Variants in COL11A1 observed in about 807,000 individuals in gnomAD.
COL11A1 encodes the protein collagen type XI alpha 1 chain.
COL11A1 carries 74 observed loss-of-function variants against 265.2 expected under a neutral mutation model. The ratio of observed to expected loss-of-function variants is 0.28; its 90% CI spans 0.23 to 0.34. The LOEUF is 0.34. COL11A1 is among the 10% of genes least tolerant of loss of function. COL11A1 has a pLI of 1.00. For synonymous variants in COL11A1, 816 were observed against 727.6 expected (o/e 1.12, Z -1.96); for missense variants, 2,165 against 2,263.6 (o/e 0.96, Z 0.88).
intron 57 of COL11A1, among the ~76,000 whole-genome samples, chr1:102,894,714 A>G (rs1036139701): frequency 1.3e-5 from 2 of 152,148 alleles, no homozygotes; most frequent in Admixed American, 1.3e-4. Flanking sequence ...ACAAACTCCA[A>G]TAGAGTTATT....
chr1:103,011,004 A>G (rs1666082666), intron 14 of COL11A1, among the ~76,000 whole-genome samples: 1 of 152,052 alleles, frequency 6.6e-6, no homozygotes, highest in East Asian at 1.9e-4. Context: ...CCAGCCTGAT[A>G]TTTGTAAATT....
chr1:103,107,573 C>G (rs1000121141), intron 1 of COL11A1, among the ~76,000 whole-genome samples: 1 of 141,362 alleles, frequency 7.1e-6, no homozygotes, highest in African/African-American at 2.6e-5. Context: ...AAAACTAAAA[C>G]AGCCTGCTTC....
At chr1:102,977,847 T>G (rs1169761151) in intron 35 of COL11A1, among the ~76,000 whole-genome samples, 1 of 152,124 alleles carries the variant, frequency 6.6e-6, no homozygotes, top group Non-Finnish European at 1.5e-5. Context: ...TTTATTCTTG[T>G]GTGTTATCTA....
chr1:103,030,424 A>G (rs1667886383), intron 5 of COL11A1, among the ~76,000 whole-genome samples: 1 of 151,996 alleles, frequency 6.6e-6, no homozygotes, highest in South Asian at 2.1e-4. Context: ...AAACAGTAAA[A>G]CTCAAATGGT....
chr1:102,976,803 A>T (rs977007777), intron 35 of COL11A1, among the ~76,000 whole-genome samples: 1 of 152,164 alleles, frequency 6.6e-6, no homozygotes, highest in African/African-American at 2.4e-5. Context: ...CTTATTCTTT[A>T]TATAAAATTC....
intron 54 of COL11A1, among the ~76,000 whole-genome samples, 164 bp downstream of exon 54, chr1:102,911,995 G>A (rs1217235077): frequency 6.6e-6 from 1 of 152,122 alleles, no homozygotes. Flanking sequence ...GTTAGAATAT[G>A]TTCTATTTTA....
intron 57 of COL11A1, among the ~76,000 whole-genome samples, chr1:102,895,549 G>A (rs1158457975): frequency 1.3e-5 from 2 of 151,254 alleles, no homozygotes; most frequent in Non-Finnish European, 2.9e-5. Context: ...GGATATGGAT[G>A]TGAATATATG....
At chr1:102,986,572 G>T (rs879463070) in intron 30 of COL11A1, among the ~76,000 whole-genome samples, 5 of 152,108 alleles carry the variant, frequency 3.3e-5, no homozygotes, top group Non-Finnish European at 5.9e-5. Context: ...AGAAATTATG[G>T]AATGTTTGTT....
intron 11 of COL11A1, among the ~76,000 whole-genome samples, chr1:103,016,773 G>A (rs1057028521): frequency 1.3e-5 from 2 of 151,840 alleles, no homozygotes; most frequent in African/African-American, 4.8e-5. Flanking sequence ...CAAGTTTCAA[G>A]GAACTGTTAA....
intron 37 of COL11A1, among the ~76,000 whole-genome samples, chr1:102,967,755 CA>C (rs1189311249): frequency 2.0e-5 from 3 of 152,114 alleles, no homozygotes; most frequent in Non-Finnish European, 4.4e-5. Context: ...TTAAATTCAA[CA>C]GGAAGATATA....
chr1:102,915,706 A>G (rs2101039530), intron 49 of COL11A1, 22 bp from the exon 50 acceptor site: 1 of 1,556,494 alleles, frequency 6.4e-7, no homozygotes, highest in South Asian at 1.1e-5. Context: ...AGATCAAATT[A>G]GTATTAGAAT....
At chr1:103,041,614 T>C (rs1668813574) in intron 4 of COL11A1, among the ~76,000 whole-genome samples, 1 of 151,962 alleles carries the variant, frequency 6.6e-6, no homozygotes, top group Non-Finnish European at 1.5e-5. Context: ...TAAATCTAAA[T>C]CGGCTACTTT....
intron 2 of COL11A1, among the ~76,000 whole-genome samples, 167 bp from the exon 3 acceptor site, chr1:103,079,038 T>G (rs1009119453): frequency 2.0e-5 from 3 of 152,110 alleles, no homozygotes; most frequent in Non-Finnish European, 4.4e-5. Context: ...AAGGTTTCTC[T>G]TCAATTTTTA....
At chr1:102,903,281 C>T (rs1653468738) in intron 54 of COL11A1, among the ~76,000 whole-genome samples, 1 of 152,020 alleles carries the variant, frequency 6.6e-6, no homozygotes, top group African/African-American at 2.4e-5. Flanking sequence ...GTTTAATAAC[C>T]ACTAGAATTT....
At chr1:102,894,676 C>T (rs757964279) in intron 57 of COL11A1, among the ~76,000 whole-genome samples, 59 of 151,978 alleles carry the variant, frequency 3.9e-4, no homozygotes, top group Non-Finnish European at 6.6e-4. Flanking sequence ...TATATTATAC[C>T]GACTCTAGCA....
At position 103,002,511 on chromosome 1, in the gene COL11A1, A is replaced by G. The variant is rs1250783093; in HGVS notation, c.2044-30T>C. On this transcript the variant is annotated intron_variant, in intron 22 of 66. Transcript: ENST00000370096. ...CAGAGGAAAATATAAAAAGTTTTTA[A>G]TGGGCTATATTACACAATAGATTTT... 1.9e-6 allele frequency: 3 copies of G among 1,554,358 alleles called. No homozygotes were observed. In the African/African-American group the frequency reaches 4.1e-5, roughly 21 times the overall value.
intron 29 of COL11A1, among the ~76,000 whole-genome samples, chr1:102,989,305 T>C (rs1227610946): frequency 6.6e-6 from 1 of 151,894 alleles, no homozygotes; most frequent in Non-Finnish European, 1.5e-5. Context: ...ATGGAACCTA[T>C]GGAAATATAA....
intron 4 of COL11A1, among the ~76,000 whole-genome samples, chr1:103,035,009 A>C (rs747516217): frequency 5.3e-5 from 8 of 152,022 alleles, no homozygotes; most frequent in Non-Finnish European, 1.0e-4. Context: ...GATTTCCTTA[A>C]ATCTTGGAAT....
At position 103,015,653 on chromosome 1, in the gene COL11A1, TA is replaced by T. The variant is rs1193774500; in HGVS notation, c.1488+14del. On this transcript the variant is annotated intron_variant, in intron 12 of 66. Transcript: ENST00000370096. ...AAGATATCAAGTCATCTCTATAACA[TA>T]AAAAAGAACATACCGGTAACATCAA... 1.9e-6 allele frequency: 3 copies of T among 1,583,278 alleles called. No individual in the cohort carries two copies. The highest frequency in any genetic ancestry group is 1.3e-5 in the African/African-American group (1 of 74,092).
Sources: gnomAD v4.1 joint callset for allele counts (sites outside exome capture counted in the v4.1 genomes callset) on GRCh38, gnomAD v4.1.1 for gene constraint, MANE v1.5 for transcripts, NCBI Gene and HGNC (gene_info 2026-07-23, HGNC 2026-07-21) for gene names.